Variants in PMFBP1 observed in about 807,000 individuals in gnomAD.
PMFBP1 encodes polyamine-modulated factor 1-binding protein 1.
In PMFBP1, 131 loss-of-function variants were observed where a neutral mutation model predicts 137.8. That is an observed-to-expected ratio of 0.95 (90% CI 0.82 to 1.10). The LOEUF (loss-of-function observed/expected upper bound fraction) is 1.10. PMFBP1 is among the 50% of genes least tolerant of loss of function. The probability of loss-of-function intolerance (pLI) is 0.00; values close to 1 mark genes in which losing one functional copy is unlikely to be tolerated. For missense variants in PMFBP1, 1,199 were observed against 1,175.4 expected (o/e 1.02, Z -0.29); for synonymous variants, 490 against 450.4 (o/e 1.09, Z -1.11).
chr16:72,219,284 C>T, the PMFBP1 span, among the ~76,000 whole-genome samples: 3 of 152,252 alleles, frequency 2.0e-5, no homozygotes, highest in East Asian at 5.8e-4. Context: ...ATTAGAAAGA[C>T]AGTGCCCTGG....
At chr16:72,239,885 C>CAAAAAA in the PMFBP1 span, among the ~76,000 whole-genome samples, 94 of 21,330 alleles carry the variant, frequency 4.4e-3, 1 homozygote, top group African/African-American at 0.013. Flanking sequence ...ACTCCATGTA[C>CAAAAAA]AAAAAAAAAA....
chr16:72,246,895 G>T, the PMFBP1 span, among the ~76,000 whole-genome samples: 4 of 152,238 alleles, frequency 2.6e-5, no homozygotes, highest in East Asian at 7.7e-4. Flanking sequence ...CTATAAAGCA[G>T]TATAGAAATA....
chr16:72,187,529 G>C, the PMFBP1 span, among the ~76,000 whole-genome samples: 2 of 152,218 alleles, frequency 1.3e-5, no homozygotes, highest in Admixed American at 6.5e-5. Flanking sequence ...ATTTTGGAGG[G>C]GGAGTGGTGA....
Position 72,146,187 on chromosome 16 carries a change from G to A in PMFBP1, c.636+4421C>T, listed in dbSNP as rs192775237. On this transcript the variant is annotated intron_variant, in intron 5 of 20. Coordinates refer to ENST00000237353, the MANE Select transcript of PMFBP1 (RefSeq NM_031293.3). ...AAAGCTTATCTACCATGATCAAGTC[G>A]GCTTCATCTTTGGGATGCAAGGGTG... Among the ~76,000 whole-genome samples the A allele has an allele frequency of 5.9e-5, 9 of 152,238 alleles. No individual in the cohort carries two copies. In the East Asian group the frequency reaches 1.2e-3, roughly 20 times the overall value.
In PMFBP1 at chr16:72,140,360, C is replaced by T. The variant is rs938528824; in HGVS notation, c.807+52G>A. On this transcript the variant is annotated intron_variant, in intron 6 of 20. Coordinates refer to ENST00000237353, the MANE Select transcript of PMFBP1 (RefSeq NM_031293.3). Reference sequence around the variant, plus strand: ...ACTCTTTTCCCCTCCTTTCTCTCCCCATGTCTTGATTGAGGGTCTCCCAGA... The same window carrying T: ...ACTCTTTTCCCCTCCTTTCTCTCCCTATGTCTTGATTGAGGGTCTCCCAGA... 3 of 1,523,652 alleles carry T rather than the reference C, an allele frequency of 2.0e-6. No individual in the cohort carries two copies. The South Asian group carries it at 3.4e-5, about 17-fold the overall frequency. The allele number at this position is 1,523,652 out of a possible 1,614,324, so 94.4% of individuals were successfully genotyped here.
the PMFBP1 span, among the ~76,000 whole-genome samples, chr16:72,201,596 G>A: frequency 1.3e-5 from 2 of 152,194 alleles, no homozygotes; most frequent in Non-Finnish European, 2.9e-5. Context: ...AAGAACTCCA[G>A]CAAAGCTGCC....
rs1201474237 is a variant in PMFBP1 at position 72,140,433 on chromosome 16, C to G, written c.786G>C (p.Lys262Asn). 1 of 1,614,040 alleles carries G rather than the reference C, an allele frequency of 6.2e-7. No individual in the cohort carries two copies. The highest frequency in any genetic ancestry group is 1.1e-5 in the South Asian group (1 of 91,080). Reference protein sequence around the residue: ...QDDLIQELRNKLACSNALVLE... With the variant: ...QDDLIQELRNNLACSNALVLE... ...TTACCAAAGCGTTACTGCAGGCCAGCTTATTTCGAAGTTCTTGAATGAGAT... is the reference window on the plus strand; with the variant it reads ...TTACCAAAGCGTTACTGCAGGCCAGGTTATTTCGAAGTTCTTGAATGAGAT... Residue 262 changes from lysine to asparagine, a missense_variant, in exon 6 of 21, where the codon AAG becomes AAC. Lys to Asn is a moderately conservative substitution (Grantham distance 94). Transcript: ENST00000237353.
At chr16:72,179,120 AC>A (rs1210244010), upstream of PMFBP1, among the ~76,000 whole-genome samples, 18 of 152,268 alleles carry the variant, frequency 1.2e-4, no homozygotes, top group African/African-American at 1.2e-4. Context: ...AAAGGGCTCA[AC>A]AAAAAAGTCA....
rs552686844 is a variant in PMFBP1 at position 72,154,291 on chromosome 16, G to T, written c.334C>A (p.Arg112Ser). 2 of 1,614,054 alleles carry T rather than the reference G, an allele frequency of 1.2e-6. No homozygotes were observed. Among genetic ancestry groups the T allele is most frequent in the South Asian group, 1.1e-5 (1 of 91,072 alleles). The change falls in exon 4 of 21, where the codon CGC (arginine) becomes AGC (serine). Residue 112 changes from arginine (R) to serine (S), a missense_variant. Physicochemically the swap from Arg to Ser is moderately radical, Grantham distance 110 (BLOSUM62 -1). Transcript: ENST00000237353. ...TTCTCTAGGATGGACTGATACTGGC[G>T]GAGAGAATAGTAAGAAGTCTGCAAC... ...EELQTSYYSL[R>S]QYQSILEKQT...
At chr16:72,158,721 T>G (rs1275554067) in intron 3 of PMFBP1, among the ~76,000 whole-genome samples, 2 of 152,166 alleles carry the variant, frequency 1.3e-5, no homozygotes, top group Non-Finnish European at 2.9e-5. Context: ...AGGCCAGGCA[T>G]GGTGGCTCAT....
At position 72,136,778 on chromosome 16, in the gene PMFBP1, C is replaced by T. The variant is rs770047255; in HGVS notation, c.960G>A (p.Leu320=). The T allele has an allele frequency of 6.2e-6, 10 of 1,614,098 alleles. No individual in the cohort carries two copies. Among genetic ancestry groups the T allele is most frequent in the Admixed American group, 3.3e-5 (2 of 60,002 alleles). Reference sequence around the variant, plus strand: ...CCAGGTTCTGGTACTCCTCCACATGCAGGCACTGGCTGTCTTTCTGCTCCT... The same window carrying T: ...CCAGGTTCTGGTACTCCTCCACATGTAGGCACTGGCTGTCTTTCTGCTCCT... ...HLQEQKDSQC[L]HVEEYQNLVK... Residue 320 remains leucine (L), a synonymous_variant, in exon 8 of 21, where the codon CTG becomes CTA. Transcript: ENST00000237353.
chr16:72,184,050 T>C, the PMFBP1 span, among the ~76,000 whole-genome samples: 1 of 152,166 alleles, frequency 6.6e-6, no homozygotes, highest in Non-Finnish European at 1.5e-5. Flanking sequence ...CTAGAAATGC[T>C]TTCTGTCCTT....
At chr16:72,221,706 A>G in the PMFBP1 span, among the ~76,000 whole-genome samples, 1 of 152,208 alleles carries the variant, frequency 6.6e-6, no homozygotes, top group East Asian at 1.9e-4. Flanking sequence ...CGTGCAATAC[A>G]TTTGCATTAT....
Position 72,124,549 on chromosome 16 carries a change from G to T in PMFBP1, c.2589+218C>A, listed in dbSNP as rs370733827. On this transcript the variant is annotated intron_variant, in intron 17 of 20. Transcript: ENST00000237353. Reference sequence around the variant, plus strand: ...ACCTGACAGTCTCTTCTCTAGAATGGGGCCTTCGCTCTGCTCAGTATCTAT... The same window carrying T: ...ACCTGACAGTCTCTTCTCTAGAATGTGGCCTTCGCTCTGCTCAGTATCTAT... Among the ~76,000 whole-genome samples, 31 of 152,342 alleles carry T rather than the reference G, an allele frequency of 2.0e-4. 2 individuals carry two copies. Among genetic ancestry groups the T allele is most frequent in the Admixed American group, 1.0e-3 (16 of 15,296 alleles).
At chr16:72,145,272 T>C (rs1853050727) in intron 5 of PMFBP1, among the ~76,000 whole-genome samples, 1 of 152,188 alleles carries the variant, frequency 6.6e-6, no homozygotes, top group Non-Finnish European at 1.5e-5. Context: ...AACCTGCTCC[T>C]GAATGACTAC....
intron 3 of PMFBP1, among the ~76,000 whole-genome samples, chr16:72,156,111 G>A (rs989425463): frequency 9.2e-5 from 14 of 152,080 alleles, no homozygotes; most frequent in Admixed American, 8.5e-4. Flanking sequence ...CTCAGCCTCC[G>A]GAGTAGCTGG....
the PMFBP1 span, among the ~76,000 whole-genome samples, chr16:72,248,089 G>C: frequency 5.9e-5 from 9 of 152,154 alleles, no homozygotes; most frequent in Non-Finnish European, 1.0e-4. Context: ...GGCCAAGTCG[G>C]CTTCTGGAAG....
chr16:72,152,776 C>T (rs1011533414), intron 4 of PMFBP1, among the ~76,000 whole-genome samples: 4 of 137,108 alleles, frequency 2.9e-5, no homozygotes, highest in Admixed American at 1.7e-4. Context: ...ACTTGGGAGG[C>T]GGAGGTTGCA....
the PMFBP1 span, among the ~76,000 whole-genome samples, chr16:72,219,349 A>G: frequency 1.3e-5 from 2 of 152,172 alleles, no homozygotes; most frequent in Non-Finnish European, 2.9e-5. Flanking sequence ...GACAGTGGGG[A>G]GACAACTTCT....
Sources: allele counts gnomAD v4.1 joint callset (sites outside exome capture counted in the v4.1 genomes callset), GRCh38; gene constraint gnomAD v4.1.1; transcripts MANE v1.5; gene names NCBI Gene and HGNC (gene_info 2026-07-23, HGNC 2026-07-21).